PCARE: variants seen among roughly 807,000 people sequenced by gnomAD.
The protein encoded by PCARE is photoreceptor cilium actin regulator.
In PCARE, 72 loss-of-function variants were observed where a neutral mutation model predicts 82.2. The observed-to-expected ratio is 0.88, with a 90% CI of 0.72 to 1.07. The LOEUF (loss-of-function observed/expected upper bound fraction) is 1.07. Among genes scored for constraint, PCARE ranks in the 50% least tolerant of loss-of-function variants. The pLI is 0.00. For synonymous variants in PCARE, 705 were observed against 634.8 expected (o/e 1.11, Z -1.66); for missense variants, 1,768 against 1,592.4 (o/e 1.11, Z -1.88).
rs753005010 is a variant in PCARE, at chr2:29,070,574, G to A, written c.3668+20C>T. ...CTAGTCCAAGCCGCTGAAGGGCAGT[G>A]ACCCCAGGACACTCCTTACCTGTTC... On this transcript the variant is annotated intron_variant, in intron 1 of 1. Coordinates refer to ENST00000331664, the MANE Select transcript of PCARE (RefSeq NM_001029883.3). The A allele has an allele frequency of 4.5e-5, 72 of 1,613,730 alleles. No homozygotes were observed. The highest frequency in any genetic ancestry group is 5.8e-5 in the Non-Finnish European group (68 of 1,179,840).
Position 29,072,688 on chromosome 2 carries a change from A to G in PCARE, c.1574T>C (p.Phe525Ser). 1 of 1,613,892 alleles carries G rather than the reference A, an allele frequency of 6.2e-7. No individual in the cohort carries two copies. Among genetic ancestry groups the G allele is most frequent in the Non-Finnish European group, 8.5e-7 (1 of 1,179,994 alleles). ...QSSPADRESP[F>S]QARTRRLRSL... is the part of the protein sequence containing the mutation. ...CCTAAGCCTCCTGGTGCGGGCCTGAAATGGGCTTTCCCGGTCAGCAGGTGA... is the reference window on the plus strand; with the variant it reads ...CCTAAGCCTCCTGGTGCGGGCCTGAGATGGGCTTTCCCGGTCAGCAGGTGA... Residue 525 changes from phenylalanine to serine, a missense_variant, in exon 1 of 2, where the codon TTT (phenylalanine) becomes TCT (serine). Transcript: ENST00000331664.
Position 29,070,880 on chromosome 2 carries a change from A to C in PCARE, c.3382T>G (p.Ser1128Ala). The change falls in exon 1 of 2, where the codon TCC becomes GCC. Residue 1128 changes from serine to alanine, a missense_variant. By Grantham distance (99) the Ser-to-Ala change is moderately conservative (BLOSUM62 1). Transcript: ENST00000331664. ...GGCGGTTTAGCTTCAAACAGAGAGG[A>C]GGTAGCTGGGCAGAATATGGAATGT... ...NTHSIFCPAT[S>A]SLFEAKPPLS... 1 of 1,613,080 alleles carries C rather than the reference A, an allele frequency of 6.2e-7. No homozygotes were observed.
chr2:29,071,838 C>T lies in PCARE; in HGVS notation c.2424G>A (p.Leu808=), dbSNP rs371909714. 1.5e-4 allele frequency: 239 copies of T among 1,614,222 alleles called. No individual in the cohort carries two copies. The African/African-American group carries it at 2.7e-3, about 18-fold the overall frequency. Residue 808 remains leucine (L), a synonymous_variant, in exon 1 of 2, where the codon CTG becomes CTA. Transcript: ENST00000331664. Reference sequence around the variant, plus strand: ...CACTCTTGGCTGCTTCTGCTTTAGGCAGAGGGGGAAAGATAGGTGCTAAGG... The same window carrying T: ...CACTCTTGGCTGCTTCTGCTTTAGGTAGAGGGGGAAAGATAGGTGCTAAGG... The part of the protein sequence containing the change: ...WKPLAPIFPP[L]PKAEAAKSEE...
rs1443311191 is a variant in PCARE at position 29,070,759 on chromosome 2, C to T, written c.3503G>A (p.Gly1168Glu). Residue 1168 changes from glycine to glutamate, a missense_variant, in exon 1 of 2, where the codon GGG becomes GAG. Gly to Glu is a moderately conservative substitution (Grantham distance 98). Coordinates refer to ENST00000331664, the MANE Select transcript of PCARE (RefSeq NM_001029883.3). ...NPAECWKNSS[G>E]PWLRADSQRR... ...CTGCGAGTCTGCTCTCAGCCAAGGC[C>T]CTGAGCTGTTCTTCCAGCATTCTGC... 1 of 1,614,128 alleles carries T rather than the reference C, an allele frequency of 6.2e-7. No individual in the cohort carries two copies. The highest frequency in any genetic ancestry group is 1.7e-5 in the Admixed American group (1 of 60,020).
chr2:29,067,373 A>G (rs1004177455), intron 1 of PCARE, among the ~76,000 whole-genome samples: 1 of 152,072 alleles, frequency 6.6e-6, no homozygotes, highest in African/African-American at 2.4e-5. Context: ...CCAACTTTAT[A>G]CCTGGGGGCA....
In PCARE at chr2:29,072,458, T is replaced by TCTGG; in HGVS notation, c.1800_1803dup (p.Ser602ProfsTer79). On this transcript the variant is annotated frameshift_variant, in exon 1 of 2. Coordinates refer to ENST00000331664, the MANE Select transcript of PCARE (RefSeq NM_001029883.3). LOFTEE classifies it high-confidence loss of function. ...TGAAAGGTGGGGTCCTCCACGTGAC[T>TCTGG]CTGGAGACACGACTCTGACTGGGAC... 6.2e-7 allele frequency: 1 copy of TCTGG among 1,614,170 alleles called. No individual in the cohort carries two copies. The highest frequency in any genetic ancestry group is 8.5e-7 in the Non-Finnish European group (1 of 1,180,016).
Position 29,072,941 on chromosome 2 carries a change from C to T in PCARE, c.1321G>A (p.Glu441Lys). Residue 441 changes from glutamate to lysine, a missense_variant, in exon 1 of 2, where the codon GAA becomes AAA. Transcript: ENST00000331664. ...TTCAAAGGTGGGGAGGTGATATTTT[C>T]TGGGCTTGTACTGGAGAGGCATGGG... ...RSPCLSSTSP[E>K]NITSPPLKLG... 1 of 1,614,136 alleles carries T rather than the reference C, an allele frequency of 6.2e-7. No individual in the cohort carries two copies. Among genetic ancestry groups the T allele is most frequent in the Non-Finnish European group, 8.5e-7 (1 of 1,180,028 alleles).
In PCARE at chr2:29,064,858, T is replaced by C; in HGVS notation, c.*11A>G. The C allele has an allele frequency of 1.2e-6, 2 of 1,610,316 alleles. No homozygotes were observed. Among genetic ancestry groups the C allele is most frequent in the South Asian group, 2.2e-5 (2 of 90,974 alleles). The stretch of plus-strand genomic sequence containing the variant: ...GGGTGACTGCGTGAGTGTGGCCCCC[T>C]CGTCAGCCTGTCAGGACACCTCCTC... On this transcript the variant is annotated 3_prime_UTR_variant, in exon 2 of 2. Coordinates refer to ENST00000331664, the MANE Select transcript of PCARE (RefSeq NM_001029883.3).
chr2:29,066,892 A>G (rs983333594), intron 1 of PCARE, among the ~76,000 whole-genome samples: 1 of 152,236 alleles, frequency 6.6e-6, no homozygotes, highest in African/African-American at 2.4e-5. Context: ...TCAAATGCAC[A>G]CAGTGCCCCA....
rs200758183 is a variant in PCARE, at chr2:29,072,427, A to G, written c.1835T>C (p.Leu612Pro). The G allele has an allele frequency of 1.9e-4, 306 of 1,614,158 alleles. 2 individuals carry two copies. In the African/African-American group the frequency reaches 3.9e-3, roughly 20 times the overall value. ...ACTGAGGTCCCTCTGGACCCTTCGC[A>G]GCTCCTGAAAGGTGGGGTCCTCCAC... ...SHVEDPTFQE[L>P]RRVQRDLSQK... Residue 612 changes from leucine (L) to proline (P), a missense_variant, in exon 1 of 2, where the codon CTG becomes CCG. Leu to Pro is a moderately conservative substitution (Grantham distance 98, BLOSUM62 -3). Coordinates refer to ENST00000331664, the MANE Select transcript of PCARE (RefSeq NM_001029883.3).
chr2:29,068,028 T>C (rs561715682), intron 1 of PCARE, among the ~76,000 whole-genome samples: 4 of 152,360 alleles, frequency 2.6e-5, no homozygotes, highest in South Asian at 4.1e-4. Context: ...AAAATGTTAG[T>C]GTTTTTAATT....
In PCARE at chr2:29,069,025, T is replaced by C. The variant is rs538004333; in HGVS notation, c.3668+1569A>G. The stretch of plus-strand genomic sequence containing the variant: ...CATAATACTAAGATGTCACTTCTCT[T>C]TCTCACTCATTCTTTTGTGAATGCA... On this transcript the variant is annotated intron_variant, in intron 1 of 1. Coordinates refer to ENST00000331664, the MANE Select transcript of PCARE (RefSeq NM_001029883.3). 1.8e-4 allele frequency among the ~76,000 whole-genome samples: 27 copies of C among 152,354 alleles called. No individual in the cohort carries two copies. The South Asian group carries it at 5.6e-3, about 32-fold the overall frequency.
At position 29,063,069 on chromosome 2, in the gene PCARE, G is replaced by A. The variant is rs1363688970; in HGVS notation, c.*1800C>T. On this transcript the variant is annotated 3_prime_UTR_variant, in exon 2 of 2. Coordinates refer to ENST00000331664, the MANE Select transcript of PCARE (RefSeq NM_001029883.3). ...CAGCTTACCTAAGGCTCACCCCATGGTGACCCAATGGTTGGTCTGCCCAAC... is the reference window on the plus strand; with the variant it reads ...CAGCTTACCTAAGGCTCACCCCATGATGACCCAATGGTTGGTCTGCCCAAC... 1 of 152,302 alleles carries A rather than the reference G, an allele frequency of 6.6e-6. No individual in the cohort carries two copies. The highest frequency in any genetic ancestry group is 1.5e-5 in the Non-Finnish European group (1 of 68,092). The allele number at this position is 152,302 out of a possible 1,614,324, so 9.4% of individuals were successfully genotyped here. A position where few individuals can be genotyped will look rare whatever the true frequency, so the allele number is the denominator to read the frequency against.
Position 29,074,114 on chromosome 2 carries a change from A to G in PCARE, c.148T>C (p.Cys50Arg), listed in dbSNP as rs201053697. Residue 50 changes from cysteine to arginine, a missense_variant, in exon 1 of 2, where the codon TGC (cysteine) becomes CGC (arginine). Physicochemically the swap from Cys to Arg is radical, Grantham distance 180. Transcript: ENST00000331664. Reference sequence around the variant, plus strand: ...GCCAGGCCCTCCCCAGCGTCATAGCAGGTGGAGTTTTTAACCAGCAAAGGG... The same window carrying G: ...GCCAGGCCCTCCCCAGCGTCATAGCGGGTGGAGTTTTTAACCAGCAAAGGG... Reference protein sequence around the residue: ...SIPLLVKNSTCYDAGEGLAEE... With the variant: ...SIPLLVKNSTRYDAGEGLAEE... The G allele has an allele frequency of 1.6e-5, 26 of 1,613,996 alleles. No homozygotes were observed. The African/African-American group carries it at 3.2e-4, about 20-fold the overall frequency.
At position 29,071,304 on chromosome 2, in the gene PCARE, T is replaced by C; in HGVS notation, c.2958A>G (p.Arg986=). The stretch of plus-strand genomic sequence containing the variant: ...AGGCCTTTCTGCCCACAGGGGGGCT[T>C]CTCTCTCGGCTCTGCCTTGGTCTGG... ...SLARPRQSRE[R]SPPVGRKASP... is the part of the protein sequence containing the mutation. Residue 986 remains arginine (R), a synonymous_variant, in exon 1 of 2, where the codon AGA becomes AGG. Transcript: ENST00000331664. The C allele has an allele frequency of 6.2e-7, 1 of 1,613,424 alleles. No homozygotes were observed. The highest frequency in any genetic ancestry group is 8.5e-7 in the Non-Finnish European group (1 of 1,179,898).
chr2:29,069,863 A>G (rs553538935), intron 1 of PCARE, among the ~76,000 whole-genome samples: 1 of 152,276 alleles, frequency 6.6e-6, no homozygotes, highest in African/African-American at 2.4e-5. Context: ...TTGGGCTCTT[A>G]ATAACTTTAA....
At position 29,072,423 on chromosome 2, in the gene PCARE, T is replaced by C; in HGVS notation, c.1839A>G (p.Arg613=). 6.2e-7 allele frequency: 1 copy of C among 1,614,162 alleles called. No homozygotes were observed. Among genetic ancestry groups the C allele is most frequent in the Non-Finnish European group, 8.5e-7 (1 of 1,180,020 alleles). Residue 613 remains arginine (R), a synonymous_variant, in exon 1 of 2, where the codon CGA becomes CGG. Coordinates refer to ENST00000331664, the MANE Select transcript of PCARE (RefSeq NM_001029883.3). ...TCTGACTGAGGTCCCTCTGGACCCT[T>C]CGCAGCTCCTGAAAGGTGGGGTCCT... is the stretch of plus-strand genomic sequence containing the variant. ...HVEDPTFQEL[R]RVQRDLSQKL... is the part of the protein sequence containing the mutation.
chr2:29,064,253 A>G lies in PCARE; in HGVS notation c.*616T>C, dbSNP rs1157513348. 5 of 156,814 alleles carry G rather than the reference A, an allele frequency of 3.2e-5. No individual in the cohort carries two copies. Among genetic ancestry groups the G allele is most frequent in the African/African-American group, 1.2e-4 (5 of 41,502 alleles). 9.7% of individuals were successfully genotyped at this position (156,814 alleles called of 1,614,324 possible). A position where few individuals can be genotyped will look rare whatever the true frequency, so the allele number is the denominator to read the frequency against. On this transcript the variant is annotated 3_prime_UTR_variant, in exon 2 of 2. Transcript: ENST00000331664. ...CAATGCTGTGCCGCTACTTAACCTT[A>G]CAACAAAGAAGCTTTGCGACCATTT...
At position 29,072,534 on chromosome 2, in the gene PCARE, T is replaced by C; in HGVS notation, c.1728A>G (p.Pro576=). 1 of 1,614,138 alleles carries C rather than the reference T, an allele frequency of 6.2e-7. No homozygotes were observed. Among genetic ancestry groups the C allele is most frequent in the Non-Finnish European group, 8.5e-7 (1 of 1,180,010 alleles). Reference sequence around the variant, plus strand: ...TGCTGCCACTTACCGTGCTAGGTCTTGGGGGGACCACTGTCCTCCCCTCCT... The same window carrying C: ...TGCTGCCACTTACCGTGCTAGGTCTCGGGGGGACCACTGTCCTCCCCTCCT... ...EEEEGRTVVP[P]RPSTVSGSRR... is the part of the protein sequence containing the mutation. The change falls in exon 1 of 2, where the codon CCA becomes CCG. Residue 576 remains proline (P), a synonymous_variant. Transcript: ENST00000331664.
Sources: allele counts gnomAD v4.1 joint callset (sites outside exome capture counted in the v4.1 genomes callset), GRCh38; gene constraint gnomAD v4.1.1; transcripts MANE v1.5; gene names NCBI Gene and HGNC (gene_info 2026-07-23, HGNC 2026-07-21).